PTPRD: variants seen among roughly 807,000 people sequenced by gnomAD.
The protein encoded by PTPRD is protein tyrosine phosphatase receptor type D.
Under a neutral mutation model 214.5 loss-of-function variants are expected in PTPRD, and 34 were observed. That is an observed-to-expected ratio of 0.16 (90% CI 0.12 to 0.21). The LOEUF (loss-of-function observed/expected upper bound fraction) is 0.21, where lower values mean the gene tolerates loss of function less well. Among genes scored for constraint, PTPRD ranks in the 10% least tolerant of loss-of-function variants. The pLI is 1.00. For synonymous variants in PTPRD, 1,128 were observed against 845.7 expected (o/e 1.33, Z -5.79); for missense variants, 2,545 against 2,398.7 (o/e 1.06, Z -1.27).
chr9:10,221,986 C>G (rs750618839), intron 3 of PTPRD, among the ~76,000 whole-genome samples: 5 of 151,710 alleles, frequency 3.3e-5, no homozygotes, highest in Admixed American at 1.3e-4. Flanking sequence ...ACAGAACAAA[C>G]TTGTTACTTA....
intron 2 of PTPRD, among the ~76,000 whole-genome samples, chr9:10,476,705 A>G (rs1220104329): frequency 6.6e-6 from 1 of 152,158 alleles, no homozygotes; most frequent in Non-Finnish European, 1.5e-5. Context: ...AAAACAACAA[A>G]GCCAGAGACA....
intron 5 of PTPRD, among the ~76,000 whole-genome samples, chr9:9,895,551 G>T (rs1217757624): frequency 6.6e-6 from 1 of 152,004 alleles, no homozygotes; most frequent in African/African-American, 2.4e-5. Flanking sequence ...TCTCATAGAA[G>T]TAGGGACTAC....
intron 3 of PTPRD, among the ~76,000 whole-genome samples, chr9:10,116,148 T>C (rs2098729417): frequency 6.6e-6 from 1 of 152,088 alleles, no homozygotes; most frequent in African/African-American, 2.4e-5. Flanking sequence ...CTTTCCAATA[T>C]CTGAACATTA....
intron 37 of PTPRD, among the ~76,000 whole-genome samples, chr9:8,385,702 A>G (rs2086757146): frequency 6.6e-6 from 1 of 152,178 alleles, no homozygotes; most frequent in South Asian, 2.1e-4. Context: ...ACCCATGTCT[A>G]TATCACTTAT....
intron 44 of PTPRD, among the ~76,000 whole-genome samples, chr9:8,328,927 C>A (rs1174059503): frequency 6.7e-6 from 1 of 150,042 alleles, no homozygotes; most frequent in African/African-American, 2.5e-5. Context: ...AGCAATTCCT[C>A]TAACCTTTTT....
At chr9:9,846,807 T>C (rs990311411) in intron 5 of PTPRD, among the ~76,000 whole-genome samples, 2 of 152,110 alleles carry the variant, frequency 1.3e-5, no homozygotes, top group Non-Finnish European at 2.9e-5. Context: ...GAAGGAGGAT[T>C]TCCTTTTGAT....
At chr9:9,829,350 AG>A (rs1247283843) in intron 5 of PTPRD, among the ~76,000 whole-genome samples, 2 of 151,862 alleles carry the variant, frequency 1.3e-5, no homozygotes, top group Admixed American at 6.6e-5. Context: ...AAATAAAACA[AG>A]TCCATATTTA....
chr9:9,729,797 G>C (rs1417299219), intron 7 of PTPRD, among the ~76,000 whole-genome samples: 2 of 151,896 alleles, frequency 1.3e-5, no homozygotes, highest in African/African-American at 4.8e-5. Flanking sequence ...AAATTCATGA[G>C]AGTATGATTC....
At chr9:10,372,924 C>G (rs2097657264) in intron 2 of PTPRD, among the ~76,000 whole-genome samples, 1 of 150,842 alleles carries the variant, frequency 6.6e-6, no homozygotes, top group Non-Finnish European at 1.5e-5. Flanking sequence ...ATCTTGGCTT[C>G]CGAGTTCAAG....
intron 8 of PTPRD, among the ~76,000 whole-genome samples, chr9:9,488,855 C>A (rs1008728148): frequency 6.6e-6 from 1 of 152,176 alleles, no homozygotes; most frequent in African/African-American, 2.4e-5. Flanking sequence ...GTTCCTGAAG[C>A]AGCTTGCACC....
chr9:8,554,644 GGT>G (rs1295666023), intron 14 of PTPRD, among the ~76,000 whole-genome samples: 4 of 152,082 alleles, frequency 2.6e-5, no homozygotes, highest in Non-Finnish European at 4.4e-5. Flanking sequence ...TAGATGGCTA[GGT>G]ATAAACAGAA....
chr9:9,484,830 C>A (rs1242305230), intron 8 of PTPRD, among the ~76,000 whole-genome samples: 12 of 152,096 alleles, frequency 7.9e-5, no homozygotes, highest in Non-Finnish European at 1.3e-4. Flanking sequence ...CCTATTAGGT[C>A]TCTATATACC....
chr9:8,961,877 G>A (rs372692758), intron 11 of PTPRD, among the ~76,000 whole-genome samples: 92 of 152,152 alleles, frequency 6.0e-4, no homozygotes, highest in African/African-American at 2.1e-3. Flanking sequence ...CACCATGACA[G>A]CATGAAAACC....
intron 9 of PTPRD, among the ~76,000 whole-genome samples, chr9:9,276,595 G>A (rs887800972): frequency 6.6e-6 from 1 of 151,288 alleles, no homozygotes; most frequent in African/African-American, 2.4e-5. Context: ...ACCTCCATGA[G>A]AGCACATGCT....
chr9:10,102,564 C>T (rs967555865), intron 3 of PTPRD, among the ~76,000 whole-genome samples: 6 of 151,422 alleles, frequency 4.0e-5, no homozygotes, highest in Non-Finnish European at 5.9e-5. Context: ...ATAAAATACT[C>T]ATAAATAAAA....
At chr9:8,560,458 C>T (rs1443426815) in intron 14 of PTPRD, among the ~76,000 whole-genome samples, 3 of 138,384 alleles carry the variant, frequency 2.2e-5, no homozygotes, top group Admixed American at 2.1e-4. Context: ...CACACACACA[C>T]ACACACACAC....
intron 39 of PTPRD, among the ~76,000 whole-genome samples, chr9:8,356,470 A>G (rs2077022154): frequency 6.6e-6 from 1 of 152,182 alleles, no homozygotes; most frequent in African/African-American, 2.4e-5. Context: ...CAACATTATT[A>G]TTTTTTAAAT....
intron 36 of PTPRD, among the ~76,000 whole-genome samples, chr9:8,391,079 G>A (rs894909782): frequency 6.6e-6 from 1 of 152,076 alleles, no homozygotes; most frequent in African/African-American, 2.4e-5. Flanking sequence ...AGGTACACTA[G>A]AACTTGTGCA....
intron 5 of PTPRD, among the ~76,000 whole-genome samples, chr9:9,869,565 A>G (rs1277117575): frequency 2.0e-5 from 3 of 152,094 alleles, no homozygotes; most frequent in East Asian, 1.9e-4. Context: ...GACGGGATAT[A>G]ATAGCAAGCA....
Sources: allele counts gnomAD v4.1 joint callset (sites outside exome capture counted in the v4.1 genomes callset), GRCh38; gene constraint gnomAD v4.1.1; transcripts MANE v1.5; gene names NCBI Gene and HGNC (gene_info 2026-07-23, HGNC 2026-07-21).